LINGO2: variants seen among roughly 807,000 people sequenced by gnomAD.
The protein encoded by LINGO2 is leucine rich repeat and Ig domain containing 2.
A neutral mutation model predicts 30.6 loss-of-function variants in LINGO2; 14 were observed. The ratio of observed to expected loss-of-function variants is 0.46; its 90% CI spans 0.30 to 0.72. LINGO2 has a LOEUF of 0.72. Among genes scored for constraint, LINGO2 ranks in the 30% least tolerant of loss-of-function variants. LINGO2 has a pLI of 0.07. For missense variants in LINGO2, 729 were observed against 751.7 expected (o/e 0.97, Z 0.35); for synonymous variants, 317 against 288.5 (o/e 1.10, Z -1.00).
At chr9:29,040,681 T>C in the LINGO2 span, among the ~76,000 whole-genome samples, 1 of 152,014 alleles carries the variant, frequency 6.6e-6, no homozygotes, top group African/African-American at 2.4e-5. Context: ...ACCCATTTAA[T>C]AAAATGACAC....
chr9:28,354,410 T>C (rs1349669584), intron 3 of LINGO2, among the ~76,000 whole-genome samples: 1 of 152,180 alleles, frequency 6.6e-6, no homozygotes, highest in Non-Finnish European at 1.5e-5. Flanking sequence ...ATCCTACCAA[T>C]GGCTCCCAAA....
At chr9:28,157,344 T>C (rs1828161045) in intron 4 of LINGO2, among the ~76,000 whole-genome samples, 1 of 152,178 alleles carries the variant, frequency 6.6e-6, no homozygotes, top group South Asian at 2.1e-4. Flanking sequence ...TTGACCCCTT[T>C]CAGCCACAGC....
intron 4 of LINGO2, among the ~76,000 whole-genome samples, chr9:28,261,492 A>G (rs981887122): frequency 2.0e-5 from 3 of 151,978 alleles, no homozygotes; most frequent in Non-Finnish European, 4.4e-5. Flanking sequence ...ACAAAATCTC[A>G]CTATAGTCAA....
intron 4 of LINGO2, among the ~76,000 whole-genome samples, chr9:28,143,767 C>T (rs1349101063): frequency 1.3e-5 from 2 of 151,752 alleles, no homozygotes. Context: ...GTAAATTTTT[C>T]CAAGCATAAG....
chr9:28,987,547 CCTT>C, the LINGO2 span, among the ~76,000 whole-genome samples: 2 of 151,884 alleles, frequency 1.3e-5, no homozygotes, highest in Admixed American at 6.6e-5. Flanking sequence ...TTTATTTCTG[CCTT>C]CTTCTTTAAT....
chr9:28,129,180 C>T lies in LINGO2; in HGVS notation c.-86-116775G>A, dbSNP rs549443328. Among the ~76,000 whole-genome samples the T allele has an allele frequency of 6.6e-6, 1 of 152,294 alleles. No homozygotes were observed. The highest frequency in any genetic ancestry group is 1.9e-4 in the East Asian group (1 of 5,176). ...AGGCTTTGGGACTCGGGCTGATCTA[C>T]CACTGGCTTCCTTGCTCCTCAGCTT... On this transcript the variant is annotated intron_variant, in intron 4 of 5. Coordinates refer to ENST00000379992, the Ensembl canonical transcript of LINGO2. The surrounding 1 kb of genome is among the most constrained non-coding windows in gnomAD (Gnocchi z 4.0).
At chr9:28,443,584 G>C (rs1824285698) in intron 2 of LINGO2, among the ~76,000 whole-genome samples, 1 of 152,232 alleles carries the variant, frequency 6.6e-6, no homozygotes, top group Non-Finnish European at 1.5e-5. Flanking sequence ...CCAATGTGGA[G>C]TAAAGTTGTG....
intron 1 of LINGO2, among the ~76,000 whole-genome samples, chr9:28,651,805 T>C (rs1315920690): frequency 6.6e-6 from 1 of 152,142 alleles, no homozygotes; most frequent in East Asian, 1.9e-4. Flanking sequence ...TTTATGAAGT[T>C]ATCCATTACT....
intron 2 of LINGO2, among the ~76,000 whole-genome samples, chr9:28,403,757 T>C (rs995215334): frequency 6.6e-6 from 1 of 151,934 alleles, no homozygotes; most frequent in African/African-American, 2.4e-5. Flanking sequence ...GTTTACATAA[T>C]AGTAATTTGG....
chr9:28,296,245 A>G (rs1823915945), intron 3 of LINGO2, among the ~76,000 whole-genome samples: 1 of 152,220 alleles, frequency 6.6e-6, no homozygotes, highest in Admixed American at 6.5e-5. Context: ...CAACACTTCA[A>G]TAGACGATCA....
chr9:29,164,765 C>CGT, the LINGO2 span, among the ~76,000 whole-genome samples: 1 of 151,812 alleles, frequency 6.6e-6, no homozygotes, highest in Non-Finnish European at 1.5e-5. Context: ...CATATATGCA[C>CGT]GTGTGTGTAT....
chr9:28,971,639 C>T, the LINGO2 span, among the ~76,000 whole-genome samples: 2 of 152,204 alleles, frequency 1.3e-5, no homozygotes, highest in Admixed American at 1.3e-4. Context: ...CAATAGAACA[C>T]CAGGTAGACT....
chr9:28,677,672 C>T, the LINGO2 span, among the ~76,000 whole-genome samples: 1 of 152,272 alleles, frequency 6.6e-6, no homozygotes, highest in African/African-American at 2.4e-5. Context: ...GTTCCATTTA[C>T]AACTGCCCAT....
chr9:28,176,797 A>G (rs1381403021), intron 4 of LINGO2, among the ~76,000 whole-genome samples: 1 of 152,162 alleles, frequency 6.6e-6, no homozygotes, highest in African/African-American at 2.4e-5. Flanking sequence ...TCTTTTTGCT[A>G]TTACAGAAAA....
chr9:28,261,428 A>G (rs1458024099), intron 4 of LINGO2, among the ~76,000 whole-genome samples: 3 of 151,942 alleles, frequency 2.0e-5, no homozygotes, highest in East Asian at 3.9e-4. Context: ...GTTACCATCT[A>G]TCCTTGGGTT....
At chr9:29,009,358 G>A in the LINGO2 span, among the ~76,000 whole-genome samples, 3 of 152,082 alleles carry the variant, frequency 2.0e-5, no homozygotes, top group Non-Finnish European at 2.9e-5. Flanking sequence ...AAATCAACGT[G>A]CAAAAATCAC....
At chr9:28,405,491 C>A (rs1822467055) in intron 2 of LINGO2, among the ~76,000 whole-genome samples, 1 of 152,106 alleles carries the variant, frequency 6.6e-6, no homozygotes, top group African/African-American at 2.4e-5. Context: ...ACCAACCTCA[C>A]CAATTCCTTC....
chr9:28,942,189 T>C, the LINGO2 span, among the ~76,000 whole-genome samples: 1 of 152,182 alleles, frequency 6.6e-6, no homozygotes. Flanking sequence ...ATAATTGGAA[T>C]ATCATTTGGA....
At chr9:28,049,426 C>CTA (rs1374447567) in intron 4 of LINGO2, among the ~76,000 whole-genome samples, 1 of 150,378 alleles carries the variant, frequency 6.6e-6, no homozygotes, top group African/African-American at 2.5e-5. Context: ...GATCTTATTT[C>CTA]TACGGGATGG....
Sources: gnomAD v4.1 joint callset for allele counts (sites outside exome capture counted in the v4.1 genomes callset) on GRCh38, gnomAD v4.1.1 for gene constraint, Gnocchi (gnomAD v3.1) non-coding constraint, MANE v1.5 for transcripts, NCBI Gene and HGNC (gene_info 2026-07-23, HGNC 2026-07-21) for gene names.